Variants in CERS3 observed in about 807,000 individuals in gnomAD.
CERS3 encodes LAG1 homolog, ceramide synthase 3.
A neutral mutation model predicts 50.3 loss-of-function variants in CERS3; 33 were observed. The ratio of observed to expected loss-of-function variants is 0.66; its 90% CI spans 0.50 to 0.88. The LOEUF is 0.88. Ranked by LOEUF, CERS3 falls within the 40% of genes least tolerant of loss-of-function variation. CERS3 has a pLI of 0.00. For missense variants in CERS3, 470 were observed against 460.3 expected, an observed-to-expected ratio of 1.02 and a Z score of -0.19; for synonymous variants, 176 against 155.2, an observed-to-expected ratio of 1.13 and a Z score of -0.99.
intron 8 of CERS3, 132 bp from the exon 9 acceptor site, chr15:100,473,184 C>T: frequency 2.1e-6 from 2 of 931,954 alleles, no homozygotes; most frequent in Non-Finnish European, 3.1e-6. Flanking sequence ...AATGCTTTTA[C>T]TTCCTAAACA....
At chr15:100,413,803 T>C (rs2031681288) in intron 11 of CERS3, among the ~76,000 whole-genome samples, 1 of 148,192 alleles carries the variant, frequency 6.7e-6, no homozygotes, top group South Asian at 2.1e-4. Flanking sequence ...CAGACTATTA[T>C]AAACACCTCT....
chr15:100,430,288 G>T (rs1050063519), intron 11 of CERS3, among the ~76,000 whole-genome samples: 2 of 151,162 alleles, frequency 1.3e-5, no homozygotes, highest in Admixed American at 6.6e-5. Flanking sequence ...CTCCAGCCTG[G>T]ACGACAGAGC....
intron 11 of CERS3, among the ~76,000 whole-genome samples, chr15:100,444,528 G>T (rs548821380): frequency 1.3e-5 from 2 of 152,294 alleles, no homozygotes; most frequent in South Asian, 2.1e-4. Context: ...ACCAGCAAAG[G>T]CAGGCTGTGC....
At chr15:100,483,462 G>GT in intron 5 of CERS3, among the ~76,000 whole-genome samples, 1 of 152,064 alleles carries the variant, frequency 6.6e-6, no homozygotes, top group Non-Finnish European at 1.5e-5. Context: ...ATTGATAAGG[G>GT]TAACTCAAAA....
chr15:100,520,672 T>C (rs1333301698), intron 2 of CERS3, among the ~76,000 whole-genome samples: 1 of 152,170 alleles, frequency 6.6e-6, no homozygotes, highest in Non-Finnish European at 1.5e-5. Flanking sequence ...CTTTGCTGTT[T>C]AGCAAAACTT....
intron 11 of CERS3, among the ~76,000 whole-genome samples, chr15:100,405,794 A>T (rs1360508239): frequency 1.3e-5 from 2 of 152,364 alleles, no homozygotes; most frequent in Non-Finnish European, 1.5e-5. Context: ...AAAACTCTAC[A>T]TCAACAGAAA....
At chr15:100,414,995 G>A (rs763029339) in intron 11 of CERS3, among the ~76,000 whole-genome samples, 5 of 152,098 alleles carry the variant, frequency 3.3e-5, no homozygotes, top group Non-Finnish European at 7.4e-5. Flanking sequence ...AGAGTTAACA[G>A]GCAACCTACA....
At chr15:100,541,510 C>G (rs2037202153) in intron 1 of CERS3, among the ~76,000 whole-genome samples, 1 of 152,024 alleles carries the variant, frequency 6.6e-6, no homozygotes. Context: ...TTACTAAGAC[C>G]TTAATAAGGA....
At chr15:100,515,759 T>C (rs531344829) in intron 2 of CERS3, among the ~76,000 whole-genome samples, 22 of 152,148 alleles carry the variant, frequency 1.4e-4, no homozygotes, top group Non-Finnish European at 2.5e-4. Context: ...ACCTTTTGGT[T>C]GTTCACTTTA....
chr15:100,433,236 A>C (rs1474209629), intron 11 of CERS3, among the ~76,000 whole-genome samples: 1 of 117,528 alleles, frequency 8.5e-6, no homozygotes, highest in Admixed American at 7.9e-5. Context: ...ACTCTGTCTC[A>C]AAAAAAAAAA....
intron 11 of CERS3, among the ~76,000 whole-genome samples, chr15:100,440,415 A>AC (rs1168922356): frequency 6.6e-6 from 1 of 151,780 alleles, no homozygotes; most frequent in African/African-American, 2.4e-5. Context: ...GCACCTTGTG[A>AC]CCCCCACTCC....
At chr15:100,411,540 A>G (rs924566242) in intron 11 of CERS3, among the ~76,000 whole-genome samples, 48 of 152,138 alleles carry the variant, frequency 3.2e-4, no homozygotes, top group Non-Finnish European at 1.2e-4. Flanking sequence ...TTGTCTCTCA[A>G]TGGTCGCTGG....
chr15:100,515,049 T>C (rs1317360100), intron 2 of CERS3, among the ~76,000 whole-genome samples: 1 of 152,210 alleles, frequency 6.6e-6, no homozygotes, highest in Admixed American at 6.5e-5. Flanking sequence ...GGAAAGCCAG[T>C]GTTTTTCCAA....
chr15:100,431,459 T>C (rs2033128038), intron 11 of CERS3, among the ~76,000 whole-genome samples: 1 of 152,220 alleles, frequency 6.6e-6, no homozygotes, highest in African/African-American at 2.4e-5. Context: ...AGTTTTTTTT[T>C]CTTTTAGTGC....
chr15:100,542,971 T>C (rs1283719083), intron 1 of CERS3, among the ~76,000 whole-genome samples: 1 of 152,164 alleles, frequency 6.6e-6, no homozygotes, highest in African/African-American at 2.4e-5. Flanking sequence ...CGGAGTGCAG[T>C]AGTAGGATCT....
At chr15:100,455,601 A>T (rs994242552) in intron 11 of CERS3, among the ~76,000 whole-genome samples, 1 of 152,094 alleles carries the variant, frequency 6.6e-6, no homozygotes, top group African/African-American at 2.4e-5. Flanking sequence ...AAGTTTAAAA[A>T]TTTTCTTCAA....
At chr15:100,464,124 G>A (rs1467600046) in intron 10 of CERS3, among the ~76,000 whole-genome samples, 1 of 152,128 alleles carries the variant, frequency 6.6e-6, no homozygotes, top group African/African-American at 2.4e-5. Context: ...ATCATCAAAC[G>A]CTGAAATCTG....
intron 1 of CERS3, among the ~76,000 whole-genome samples, chr15:100,538,356 C>G (rs1437569453): frequency 2.0e-5 from 3 of 152,210 alleles, no homozygotes; most frequent in Admixed American, 6.5e-5. Flanking sequence ...CCCCACATTT[C>G]TCTTCTGCAC....
intron 11 of CERS3, among the ~76,000 whole-genome samples, chr15:100,406,348 C>A (rs2031024509): frequency 6.6e-6 from 1 of 152,166 alleles, no homozygotes; most frequent in Admixed American, 6.5e-5. Flanking sequence ...TGTACAACTT[C>A]TTTTTTCCCT....
Sources: allele counts gnomAD v4.1 joint callset (sites outside exome capture counted in the v4.1 genomes callset), GRCh38; gene constraint gnomAD v4.1.1; transcripts MANE v1.5; gene names NCBI Gene and HGNC (gene_info 2026-07-23, HGNC 2026-07-21).